Variants in NAP1L4 observed in about 807,000 individuals in gnomAD.
NAP1L4 encodes the protein nucleosome assembly protein 1-like 4.
NAP1L4 carries 15 observed loss-of-function variants against 58.2 expected under a neutral mutation model. The ratio of observed to expected loss-of-function variants is 0.26; its 90% CI spans 0.17 to 0.40. NAP1L4 has a LOEUF of 0.40. NAP1L4 is among the 10% of genes least tolerant of loss of function. The probability of loss-of-function intolerance (pLI) is 1.00; values close to 1 mark genes in which losing one functional copy is unlikely to be tolerated. For synonymous variants in NAP1L4, 171 were observed against 155.6 expected (o/e 1.10, Z -0.74); for missense variants, 384 against 451.1 (o/e 0.85, Z 1.35).
At chr11:2,966,668 A>G (rs1410502558) in intron 7 of NAP1L4, among the ~76,000 whole-genome samples, 1 of 152,238 alleles carries the variant, frequency 6.6e-6, no homozygotes, top group African/African-American at 2.4e-5. Flanking sequence ...GAAATGGGCC[A>G]CACCTGCATG....
At chr11:2,965,595 C>G (rs112632356) in intron 7 of NAP1L4, among the ~76,000 whole-genome samples, 1 of 152,150 alleles carries the variant, frequency 6.6e-6, no homozygotes, top group Non-Finnish European at 1.5e-5. Flanking sequence ...GTTGCCCAGA[C>G]TGGAGTGCAA....
chr11:2,974,049 T>C (rs1414536041), intron 4 of NAP1L4, among the ~76,000 whole-genome samples: 2 of 152,238 alleles, frequency 1.3e-5, no homozygotes, highest in Non-Finnish European at 2.9e-5. Context: ...ATTACAGGTG[T>C]GAGCTACCAT....
At chr11:2,966,680 G>A (rs1391849522) in intron 7 of NAP1L4, among the ~76,000 whole-genome samples, 1 of 152,148 alleles carries the variant, frequency 6.6e-6, no homozygotes, top group East Asian at 1.9e-4. Context: ...ACCTGCATGC[G>A]ATGTTCAGTC....
chr11:2,963,688 A>C (rs1056044930), intron 8 of NAP1L4: 1 of 506,512 alleles, frequency 2.0e-6, no homozygotes, highest in East Asian at 5.5e-5. Context: ...GATGGGGAGG[A>C]AGGAAGATAC....
chr11:2,965,436 A>G (rs1298972817), intron 7 of NAP1L4, among the ~76,000 whole-genome samples: 1 of 152,260 alleles, frequency 6.6e-6, no homozygotes, highest in East Asian at 1.9e-4. Context: ...GAGAAGGTAC[A>G]GTAAGAATAT....
chr11:2,991,247 T>C (rs1848947149), intron 1 of NAP1L4: 1 of 427,806 alleles, frequency 2.3e-6, no homozygotes, highest in Non-Finnish European at 4.8e-6. Context: ...CAATCAGACT[T>C]AGAGAACTGT....
intron 1 of NAP1L4, chr11:2,990,443 T>A (rs1848892837): frequency 6.6e-6 from 1 of 152,248 alleles, no homozygotes; most frequent in Non-Finnish European, 1.5e-5. Context: ...TACATTTGCA[T>A]ATTATTTATT....
At chr11:2,950,079 T>C (rs1277960235) in intron 14 of NAP1L4, among the ~76,000 whole-genome samples, 1 of 152,256 alleles carries the variant, frequency 6.6e-6, no homozygotes, top group Non-Finnish European at 1.5e-5. Flanking sequence ...CGTTGTTCAC[T>C]GGCTGACTGA....
Position 2,946,315 on chromosome 11 carries a change from T to A in NAP1L4, c.*33-669A>T, listed in dbSNP as rs929362758. On this transcript the variant is annotated intron_variant, in intron 15 of 15. Coordinates refer to ENST00000380542, the MANE Select transcript of NAP1L4 (RefSeq NM_005969.4). This position sits in a 1 kb window ranked among gnomAD's most constrained non-coding sequence, Gnocchi z 4.8. ...CAATGCTATCCTTCCAGTAACGGCA[T>A]CCGGGACACAAAATTCCCCTCCCAG... Among the ~76,000 whole-genome samples the A allele has an allele frequency of 1.3e-5, 2 of 152,150 alleles. No individual in the cohort carries two copies. Among genetic ancestry groups the A allele is most frequent in the Non-Finnish European group, 2.9e-5 (2 of 68,020 alleles).
At chr11:2,952,791 G>A (rs1846308784) in intron 12 of NAP1L4, 1 of 152,242 alleles carries the variant, frequency 6.6e-6, no homozygotes, top group African/African-American at 2.4e-5. Flanking sequence ...ACAGCATTTT[G>A]CCCTTAAGGG....
intron 2 of NAP1L4, among the ~76,000 whole-genome samples, 199 bp downstream of exon 2, chr11:2,979,008 C>T (rs1266145502): frequency 6.6e-6 from 1 of 152,214 alleles, no homozygotes; most frequent in East Asian, 1.9e-4. Flanking sequence ...CATAAAAGAT[C>T]TGTAGTGTCA....
intron 7 of NAP1L4, among the ~76,000 whole-genome samples, chr11:2,969,147 C>T (rs1416887996): frequency 1.3e-5 from 2 of 151,930 alleles, no homozygotes; most frequent in African/African-American, 2.4e-5. Context: ...CACACCACAA[C>T]GCCCAGCTAA....
chr11:2,945,837 G>GTT (rs200984231), intron 15 of NAP1L4, among the ~76,000 whole-genome samples, 191 bp from the exon 16 acceptor site: 5 of 151,396 alleles, frequency 3.3e-5, no homozygotes, highest in East Asian at 1.9e-4. Flanking sequence ...TCAAAGCAGG[G>GTT]TTTTTTTTTG....
At position 2,948,781 on chromosome 11, in the gene NAP1L4, A is replaced by G. The variant is rs1342341368; in HGVS notation, c.*32+446T>C. Among the ~76,000 whole-genome samples the G allele has an allele frequency of 6.6e-6, 1 of 152,230 alleles. No homozygotes were observed. The highest frequency in any genetic ancestry group is 1.5e-5 in the Non-Finnish European group (1 of 68,042). On this transcript the variant is annotated intron_variant, in intron 15 of 15. Transcript: ENST00000380542. This position sits in a 1 kb window ranked among gnomAD's most constrained non-coding sequence, Gnocchi z 5.1. ...TGCACAAAACATGAATTCAAAAAGT[A>G]TAGATATTCAACAGACACGTGTTGG... is the stretch of plus-strand genomic sequence containing the variant.
chr11:2,964,897 A>G lies in NAP1L4; in HGVS notation c.535-146T>C, dbSNP rs998667904. ...CTTGTCAAAGTAATAACTACCAGGA[A>G]GAAACCCAGACTTATTCACCAACTC... On this transcript the variant is annotated intron_variant, in intron 7 of 15. Coordinates refer to ENST00000380542, the MANE Select transcript of NAP1L4 (RefSeq NM_005969.4). 7.7e-6 allele frequency: 5 copies of G among 649,164 alleles called. No homozygotes were observed. The African/African-American group carries it at 9.1e-5, about 12-fold the overall frequency. 40.2% of individuals were successfully genotyped at this position (649,164 alleles called of 1,614,324 possible). A position where few individuals can be genotyped will look rare whatever the true frequency, so the allele number is the denominator to read the frequency against.
chr11:2,967,336 G>C (rs1396425313), intron 7 of NAP1L4, among the ~76,000 whole-genome samples: 1 of 152,192 alleles, frequency 6.6e-6, no homozygotes, highest in Non-Finnish European at 1.5e-5. Flanking sequence ...CTGTTGGCCG[G>C]GCACGGTGGC....
At chr11:2,967,387 C>T (rs1210961733) in intron 7 of NAP1L4, among the ~76,000 whole-genome samples, 5 of 152,086 alleles carry the variant, frequency 3.3e-5, no homozygotes, top group African/African-American at 4.8e-5. Context: ...CCAAGGCAGG[C>T]GGATGATGAG....
chr11:2,971,946 G>A lies in NAP1L4; in HGVS notation c.315+156C>T, dbSNP rs1208192586. On this transcript the variant is annotated intron_variant, in intron 5 of 15. Coordinates refer to ENST00000380542, the MANE Select transcript of NAP1L4 (RefSeq NM_005969.4). The surrounding 1 kb of genome is among the most constrained non-coding windows in gnomAD (Gnocchi z 4.2). Reference sequence around the variant, plus strand: ...TGCCTGACTGCAGGCTAATGTTAGCGTTCTGAGCTTGTTTAAGGTAGTCTA... The same window carrying A: ...TGCCTGACTGCAGGCTAATGTTAGCATTCTGAGCTTGTTTAAGGTAGTCTA... Among the ~76,000 whole-genome samples, 3 of 152,166 alleles carry A rather than the reference G, an allele frequency of 2.0e-5. No individual in the cohort carries two copies. The highest frequency in any genetic ancestry group is 1.9e-4 in the East Asian group (1 of 5,202).
At chr11:2,965,721 G>A (rs1448257380) in intron 7 of NAP1L4, among the ~76,000 whole-genome samples, 6 of 152,046 alleles carry the variant, frequency 3.9e-5, no homozygotes, top group African/African-American at 1.2e-4. Flanking sequence ...TAGTAGAGAC[G>A]GGGTTTCACC....
Sources: allele counts gnomAD v4.1 joint callset (sites outside exome capture counted in the v4.1 genomes callset), GRCh38; gene constraint gnomAD v4.1.1; non-coding constraint Gnocchi (gnomAD v3.1); transcripts MANE v1.5; gene names NCBI Gene and HGNC (gene_info 2026-07-23, HGNC 2026-07-21).